The following ZNF141 variants were observed in gnomAD, a reference collection of about 807,000 sequenced individuals.
ZNF141 encodes the protein zinc finger protein 141.
ZNF141 carries 7 observed loss-of-function variants against 11.3 expected under a neutral mutation model. The observed-to-expected ratio is 0.62, with a 90% CI of 0.35 to 1.16. ZNF141 has a LOEUF of 1.16. ZNF141 is among the 50% of genes most tolerant of loss of function. The pLI is 0.02. For synonymous variants in ZNF141, 183 were observed against 190.7 expected (o/e 0.96, Z 0.33); for missense variants, 535 against 554.0 (o/e 0.97, Z 0.34).
chr4:354,882 G>A (rs1227979004), intron 3 of ZNF141, among the ~76,000 whole-genome samples: 1 of 151,876 alleles, frequency 6.6e-6, no homozygotes, highest in African/African-American at 2.4e-5. Context: ...TTATAAAATT[G>A]TGATTTAAAA....
intron 3 of ZNF141, among the ~76,000 whole-genome samples, chr4:364,887 T>C (rs1711663354): frequency 6.6e-6 from 1 of 152,180 alleles, no homozygotes; most frequent in Non-Finnish European, 1.5e-5. Context: ...GACGATTAAA[T>C]CTGCAGAAGT....
rs1712724422 is a variant in ZNF141, at chr4:382,824, C to G, written c.*8962C>G. 1 of 262,420 alleles carries G rather than the reference C, an allele frequency of 3.8e-6. No individual in the cohort carries two copies. Among genetic ancestry groups the G allele is most frequent in the Admixed American group, 5.1e-5 (1 of 19,618 alleles). 16.3% of individuals were successfully genotyped at this position (262,420 alleles called of 1,614,324 possible). On this transcript the variant is annotated 3_prime_UTR_variant, in exon 4 of 4. Transcript: ENST00000240499. ...CTTCAGAATCAGGCCAACGTTGATCCTGAGTCCCAGCCAGCTGCTTAGTAG... is the reference window on the plus strand; with the variant it reads ...CTTCAGAATCAGGCCAACGTTGATCGTGAGTCCCAGCCAGCTGCTTAGTAG...
At chr4:342,861 C>T in intron 1 of ZNF141, 7 of 1,608,654 alleles carry the variant, frequency 4.4e-6, no homozygotes, top group Non-Finnish European at 6.0e-6. Context: ...CAACTGTAGG[C>T]TGAGTGACCT....
chr4:360,350 A>G (rs1722051235), intron 3 of ZNF141, among the ~76,000 whole-genome samples: 1 of 152,176 alleles, frequency 6.6e-6, no homozygotes, highest in Admixed American at 6.5e-5. Context: ...TAATAAGTAA[A>G]TGTATTGCAA....
intron 1 of ZNF141, among the ~76,000 whole-genome samples, chr4:339,510 A>G (rs1385083417): frequency 6.6e-6 from 1 of 152,222 alleles, no homozygotes; most frequent in Non-Finnish European, 1.5e-5. Context: ...AACGTTAGTG[A>G]GTTCAAGACC....
intron 3 of ZNF141, chr4:350,295 A>G (rs782766515): frequency 2.0e-6 from 1 of 500,834 alleles, no homozygotes; most frequent in South Asian, 1.4e-5. Context: ...TCACAACCCT[A>G]ACCATAGGCA....
chr4:355,834 T>TCATGAGG (rs1581601579), intron 3 of ZNF141, among the ~76,000 whole-genome samples: 1 of 149,930 alleles, frequency 6.7e-6, no homozygotes, highest in Non-Finnish European at 1.5e-5. Flanking sequence ...GAGAATCACA[T>TCATGAGG]TTCCACATCA....
At position 367,415 on chromosome 4, in the gene ZNF141, G is replaced by A. The variant is rs188707555; in HGVS notation, c.227-5249G>A. ...TGTAAATCTATATTTGTGTGTGGGA[G>A]AAACACTTTTGCGACTTGAAGATAA... On this transcript the variant is annotated intron_variant, in intron 3 of 3. Coordinates refer to ENST00000240499, the MANE Select transcript of ZNF141 (RefSeq NM_003441.4). Among the ~76,000 whole-genome samples, 4 of 152,180 alleles carry A rather than the reference G, an allele frequency of 2.6e-5. No individual in the cohort carries two copies. In the East Asian group the frequency reaches 5.8e-4, roughly 22 times the overall value.
rs1322540622 is a variant in ZNF141, at chr4:379,780, T to A, written c.*5918T>A. 2.0e-5 allele frequency among the ~76,000 whole-genome samples: 3 copies of A among 152,264 alleles called. No homozygotes were observed. The highest frequency in any genetic ancestry group is 7.2e-5 in the African/African-American group (3 of 41,470). ...ATTTGCAACATTATTCTGTAATTTT[T>A]AAAATATATTTGTTAATTGACAGAT... On this transcript the variant is annotated 3_prime_UTR_variant, in exon 4 of 4. Coordinates refer to ENST00000240499, the MANE Select transcript of ZNF141 (RefSeq NM_003441.4).
In ZNF141 at chr4:382,820, G is replaced by C; in HGVS notation, c.*8958G>C. On this transcript the variant is annotated 3_prime_UTR_variant, in exon 4 of 4. Transcript: ENST00000240499. ...TGGGCTTCAGAATCAGGCCAACGTT[G>C]ATCCTGAGTCCCAGCCAGCTGCTTA... is the stretch of plus-strand genomic sequence containing the variant. 3.8e-6 allele frequency: 1 copy of C among 260,128 alleles called. No individual in the cohort carries two copies. Among genetic ancestry groups the C allele is most frequent in the South Asian group, 5.6e-5 (1 of 17,916 alleles). The allele number at this position is 260,128 out of a possible 1,614,324, so 16.1% of individuals were successfully genotyped here.
At chr4:339,199 C>T (rs1269151311) in intron 1 of ZNF141, among the ~76,000 whole-genome samples, 1 of 152,194 alleles carries the variant, frequency 6.6e-6, no homozygotes, top group African/African-American at 2.4e-5. Flanking sequence ...CACACAGTGC[C>T]CAGAAGACTC....
chr4:344,120 C>G (rs1721198405), intron 2 of ZNF141, among the ~76,000 whole-genome samples: 1 of 152,096 alleles, frequency 6.6e-6, no homozygotes. Flanking sequence ...CCAATTTGCA[C>G]CACTTATTTT....
rs188448997 is a variant in ZNF141 at position 343,452 on chromosome 4, G to A, written c.4-330G>A. On this transcript the variant is annotated intron_variant, in intron 1 of 3. Coordinates refer to ENST00000240499, the MANE Select transcript of ZNF141 (RefSeq NM_003441.4). ...AAGAACTATGTCCCTTCGGCTGGGC[G>A]CAGTGGCTCACGCCTGTAATCCCAG... Among the ~76,000 whole-genome samples, 30 of 152,204 alleles carry A rather than the reference G, an allele frequency of 2.0e-4. No homozygotes were observed. The East Asian group carries it at 5.2e-3, about 26-fold the overall frequency.
chr4:353,781 C>A (rs1369572246), intron 3 of ZNF141, among the ~76,000 whole-genome samples: 1 of 152,108 alleles, frequency 6.6e-6, no homozygotes, highest in Non-Finnish European at 1.5e-5. Context: ...ACTTCTTTTG[C>A]ACACAAGTTG....
chr4:350,880 C>G (rs1291817059), intron 3 of ZNF141, among the ~76,000 whole-genome samples: 1 of 151,836 alleles, frequency 6.6e-6, no homozygotes, highest in Non-Finnish European at 1.5e-5. Context: ...GCTGGGATTA[C>G]AGGTGCTTGC....
intron 3 of ZNF141, among the ~76,000 whole-genome samples, chr4:350,627 G>A (rs983981333): frequency 2.6e-5 from 4 of 152,158 alleles, no homozygotes; most frequent in African/African-American, 9.7e-5. Context: ...GTTGGAGGTG[G>A]GGCCTTGAGG....
At chr4:353,989 G>A (rs1328494988) in intron 3 of ZNF141, among the ~76,000 whole-genome samples, 2 of 152,180 alleles carry the variant, frequency 1.3e-5, no homozygotes, top group Non-Finnish European at 2.9e-5. Context: ...TGTGCTGAGA[G>A]CACCTCTGCT....
At position 382,014 on chromosome 4, in the gene ZNF141, C is replaced by T. The variant is rs550728894; in HGVS notation, c.*8152C>T. Among the ~76,000 whole-genome samples, 32 of 146,250 alleles carry T rather than the reference C, an allele frequency of 2.2e-4. No homozygotes were observed. The highest frequency in any genetic ancestry group is 7.8e-4 in the African/African-American group (30 of 38,246). ...AGGCTGGAGTGCAGTGGCTCGATCTCGGCTCACTGCAAGCTCCACCTCCCA... is the reference window on the plus strand; with the variant it reads ...AGGCTGGAGTGCAGTGGCTCGATCTTGGCTCACTGCAAGCTCCACCTCCCA... On this transcript the variant is annotated 3_prime_UTR_variant, in exon 4 of 4. Coordinates refer to ENST00000240499, the MANE Select transcript of ZNF141 (RefSeq NM_003441.4).
At chr4:367,859 G>C (rs1334988028) in intron 3 of ZNF141, among the ~76,000 whole-genome samples, 2 of 152,062 alleles carry the variant, frequency 1.3e-5, no homozygotes, top group African/African-American at 4.8e-5. Flanking sequence ...CATAATTTAA[G>C]TTCTGGGGTA....
Sources: gnomAD v4.1 joint callset for allele counts (sites outside exome capture counted in the v4.1 genomes callset) on GRCh38, gnomAD v4.1.1 for gene constraint, MANE v1.5 for transcripts, NCBI Gene and HGNC (gene_info 2026-07-23, HGNC 2026-07-21) for gene names.